The following MECOM variants were observed in gnomAD, a reference collection of about 807,000 sequenced individuals.
MECOM encodes histone-lysine N-methyltransferase MECOM.
In MECOM, 13 loss-of-function variants were observed where a neutral mutation model predicts 116.3. The ratio of observed to expected loss-of-function variants is 0.11; its 90% CI spans 0.07 to 0.18. The LOEUF is 0.18. MECOM is among the 10% of genes least tolerant of loss of function. The pLI is 1.00. For missense variants in MECOM, 1,299 were observed against 1,509.0 expected (o/e 0.86, Z 2.31); for synonymous variants, 528 against 535.2 (o/e 0.99, Z 0.19).
intron 1 of MECOM, among the ~76,000 whole-genome samples, chr3:169,619,776 G>T (rs1486599286): frequency 6.6e-6 from 1 of 152,082 alleles, no homozygotes; most frequent in Non-Finnish European, 1.5e-5. Flanking sequence ...GAAAATCAGG[G>T]TTTTTAAAAT....
intron 1 of MECOM, among the ~76,000 whole-genome samples, chr3:169,386,435 C>T (rs9859831): frequency 0.19 from 28,493 of 152,046 alleles, 3,037 homozygotes; most frequent in East Asian, 0.3. Flanking sequence ...ACTTGTTTTT[C>T]GATCCTTAAA....
At chr3:169,472,367 T>TGA (rs1419358118) in intron 1 of MECOM, among the ~76,000 whole-genome samples, 1 of 140,668 alleles carries the variant, frequency 7.1e-6, no homozygotes, top group Non-Finnish European at 1.5e-5. Flanking sequence ...GGCAATATAG[T>TGA]GAGACCCCAT....
chr3:169,389,491 G>T, intron 1 of MECOM: 1 of 858,084 alleles, frequency 1.2e-6, no homozygotes, highest in Non-Finnish European at 1.4e-6. Context: ...TTTCTTTTAT[G>T]TTTTAGCTAT....
At chr3:169,371,881 GC>G (rs889821247) in intron 2 of MECOM, among the ~76,000 whole-genome samples, 48 of 152,006 alleles carry the variant, frequency 3.2e-4, no homozygotes, top group African/African-American at 1.1e-3. Context: ...AACATAGATT[GC>G]CTGTTTCAAT....
At chr3:169,133,348 G>A (rs1350110457) in intron 3 of MECOM, 1 of 152,084 alleles carries the variant, frequency 6.6e-6, no homozygotes, top group African/African-American at 2.4e-5. Flanking sequence ...CTTTGTACGT[G>A]CCTCTTTATT....
chr3:169,244,501 A>C (rs1459513758), intron 2 of MECOM, among the ~76,000 whole-genome samples: 1 of 152,114 alleles, frequency 6.6e-6, no homozygotes, highest in East Asian at 1.9e-4. Flanking sequence ...CCAACTAAGA[A>C]TCTTTGTTCT....
intron 1 of MECOM, among the ~76,000 whole-genome samples, chr3:169,589,628 A>C (rs1766169663): frequency 6.6e-6 from 1 of 151,940 alleles, no homozygotes; most frequent in Non-Finnish European, 1.5e-5. Flanking sequence ...GCTATTCCCC[A>C]CTGTCTCCCC....
chr3:169,326,674 C>T (rs1028559166), intron 2 of MECOM, among the ~76,000 whole-genome samples: 2 of 152,110 alleles, frequency 1.3e-5, no homozygotes, highest in Non-Finnish European at 2.9e-5. Context: ...TGTAGATCAG[C>T]AAGTTAAAAA....
intron 3 of MECOM, among the ~76,000 whole-genome samples, chr3:169,137,211 G>A (rs113833812): frequency 1.1e-4 from 16 of 152,178 alleles, no homozygotes; most frequent in East Asian, 9.6e-4. Context: ...GTAGGTAGCC[G>A]TTTGCATGTT....
At chr3:169,440,130 G>A (rs1327553033) in intron 1 of MECOM, among the ~76,000 whole-genome samples, 3 of 152,028 alleles carry the variant, frequency 2.0e-5, no homozygotes, top group Non-Finnish European at 4.4e-5. Context: ...CACTTCCTGA[G>A]TTAGGTAGTG....
chr3:169,502,332 A>G (rs77865900), intron 1 of MECOM, among the ~76,000 whole-genome samples: 4,426 of 152,184 alleles, frequency 0.029, 79 homozygotes, highest in African/African-American at 0.049. Flanking sequence ...GGCAGAATCC[A>G]TATCAGATTC....
chr3:169,378,902 T>A (rs1190858408), intron 2 of MECOM, among the ~76,000 whole-genome samples: 1 of 152,006 alleles, frequency 6.6e-6, no homozygotes, highest in Non-Finnish European at 1.5e-5. Context: ...TTCTCTGTAT[T>A]TATTTGGGAG....
At chr3:169,546,776 T>C (rs1241043081) in intron 1 of MECOM, among the ~76,000 whole-genome samples, 1 of 152,096 alleles carries the variant, frequency 6.6e-6, no homozygotes, top group Non-Finnish European at 1.5e-5. Context: ...GTTATAAAAG[T>C]GTTTGTTTTT....
chr3:169,258,610 T>C (rs1388748014), intron 2 of MECOM, among the ~76,000 whole-genome samples: 1 of 152,316 alleles, frequency 6.6e-6, no homozygotes, highest in East Asian at 1.9e-4. Flanking sequence ...GTCATTGTTG[T>C]TAGTTAGCAG....
chr3:169,548,623 A>G (rs1050234733), intron 1 of MECOM, among the ~76,000 whole-genome samples: 2 of 152,200 alleles, frequency 1.3e-5, no homozygotes, highest in Non-Finnish European at 2.9e-5. Flanking sequence ...GAGGCATACT[A>G]CAGTTCATGA....
At chr3:169,197,471 C>A (rs1748584224) in intron 2 of MECOM, among the ~76,000 whole-genome samples, 1 of 151,976 alleles carries the variant, frequency 6.6e-6, no homozygotes, top group African/African-American at 2.4e-5. Flanking sequence ...GGCTTCATGA[C>A]TGATTTCTAG....
chr3:169,177,842 C>T (rs532599585), intron 2 of MECOM, among the ~76,000 whole-genome samples: 2 of 151,322 alleles, frequency 1.3e-5, no homozygotes, highest in East Asian at 2.0e-4. Context: ...TGCTTGAACC[C>T]GGGAGGCAGA....
chr3:169,326,705 T>G (rs982356125), intron 2 of MECOM, among the ~76,000 whole-genome samples: 1 of 152,218 alleles, frequency 6.6e-6, no homozygotes, highest in Non-Finnish European at 1.5e-5. Flanking sequence ...TTTGCTATTT[T>G]TACCACCTTC....
chr3:169,373,865 A>G (rs1730565107), intron 2 of MECOM, among the ~76,000 whole-genome samples: 1 of 151,918 alleles, frequency 6.6e-6, no homozygotes, highest in African/African-American at 2.4e-5. Context: ...ACATAATCCT[A>G]TATTCATCCA....
Sources: gnomAD v4.1 joint callset for allele counts (sites outside exome capture counted in the v4.1 genomes callset) on GRCh38, gnomAD v4.1.1 for gene constraint, MANE v1.5 for transcripts, NCBI Gene and HGNC (gene_info 2026-07-23, HGNC 2026-07-21) for gene names.